Variants in AK7 observed in about 807,000 individuals in gnomAD.
AK7 encodes ATP-AMP transphosphorylase 7.
AK7 carries 78 observed loss-of-function variants against 96.6 expected under a neutral mutation model. The observed-to-expected ratio is 0.81, with a 90% confidence interval of 0.67 to 0.97. AK7 has a LOEUF of 0.97. Among genes scored for constraint, AK7 ranks in the 50% least tolerant of loss-of-function variants. The pLI is 0.00. For synonymous variants in AK7, 302 were observed against 317.2 expected, an observed-to-expected ratio of 0.95 and a Z score of 0.51; for missense variants, 855 against 887.9, an observed-to-expected ratio of 0.96 and a Z score of 0.47.
intron 4 of AK7, 60 bp downstream of exon 4, chr14:96,409,001 T>C: frequency 6.5e-7 from 1 of 1,546,620 alleles, no homozygotes; most frequent in Non-Finnish European, 8.9e-7. Flanking sequence ...TTGTAATCTG[T>C]GTGTGGAGGG....
intron 5 of AK7, among the ~76,000 whole-genome samples, chr14:96,434,448 C>G (rs538252783): frequency 1.0e-4 from 15 of 145,648 alleles, no homozygotes; most frequent in Admixed American, 1.0e-3. Context: ...CTCTCTCTCT[C>G]TCTCTCTCTG....
At chr14:96,441,658 A>AG (rs955546659) in intron 6 of AK7, among the ~76,000 whole-genome samples, 12 of 149,840 alleles carry the variant, frequency 8.0e-5, no homozygotes, top group South Asian at 2.1e-4. Flanking sequence ...AAAAAAAAAA[A>AG]AAAAGAAAAC....
chr14:96,474,743 T>G (rs1895084506), intron 14 of AK7, among the ~76,000 whole-genome samples: 1 of 152,240 alleles, frequency 6.6e-6, no homozygotes, highest in African/African-American at 2.4e-5. Context: ...CTAGGCAATA[T>G]TCACTCATTG....
chr14:96,444,871 C>G lies in AK7; in HGVS notation c.780-1646C>G, dbSNP rs571959885. Among the ~76,000 whole-genome samples, 180 of 152,286 alleles carry G rather than the reference C, an allele frequency of 1.2e-3. 1 individual carries two copies. The highest frequency in any genetic ancestry group is 1.6e-3 in the Non-Finnish European group (109 of 68,026). ...TAGCTGGGACTACAGGCGCCGGCCACCACGCCTGGCTATTTTTTGTATTTT... is the reference window on the plus strand; with the variant it reads ...TAGCTGGGACTACAGGCGCCGGCCAGCACGCCTGGCTATTTTTTGTATTTT... On this transcript the variant is annotated intron_variant, in intron 7 of 17. Coordinates refer to ENST00000267584, the MANE Select transcript of AK7 (RefSeq NM_152327.5).
rs909844465 is a variant in AK7 at position 96,410,451 on chromosome 14, A to G, written c.498+1510A>G. On this transcript the variant is annotated intron_variant, in intron 4 of 17. Transcript: ENST00000267584. ...GGAACAGCTGGGCCCAGAGGATTCA[A>G]CGATGTCCTCAGTGCTCACTGACTC... 6.6e-5 allele frequency among the ~76,000 whole-genome samples: 10 copies of G among 152,320 alleles called. No homozygotes were observed. In the East Asian group the frequency reaches 7.7e-4, roughly 12 times the overall value.
In AK7 at chr14:96,424,318, G is replaced by A. The variant is rs1891898569; in HGVS notation, c.609+3386G>A. 15 of 384,366 alleles carry A rather than the reference G, an allele frequency of 3.9e-5. No individual in the cohort carries two copies. In the South Asian group the frequency reaches 3.9e-4, roughly 10 times the overall value. 23.8% of individuals were successfully genotyped at this position (384,366 alleles called of 1,614,324 possible). A position where few individuals can be genotyped will look rare whatever the true frequency, so the allele number is the denominator to read the frequency against. ...TCCGCCAGCTGAAAAATTACAGAGG[G>A]CTTACTGTGTTCTCAGTATTTTACT... On this transcript the variant is annotated intron_variant, in intron 5 of 17. Coordinates refer to ENST00000267584, the MANE Select transcript of AK7 (RefSeq NM_152327.5).
intron 1 of AK7, among the ~76,000 whole-genome samples, chr14:96,396,710 ATAAG>A (rs910324780): frequency 2.0e-5 from 3 of 152,246 alleles, no homozygotes; most frequent in Admixed American, 1.3e-4. Flanking sequence ...GTTGACATAT[ATAAG>A]TAAGTATTGA....
At chr14:96,487,312 A>T (rs1344333712) in intron 17 of AK7, among the ~76,000 whole-genome samples, 2 of 114,760 alleles carry the variant, frequency 1.7e-5, no homozygotes, top group South Asian at 3.3e-4. Flanking sequence ...TGAACCCTGG[A>T]GGTGGAGGTT....
At chr14:96,476,017 G>C (rs1446537381) in intron 14 of AK7, among the ~76,000 whole-genome samples, 4 of 150,662 alleles carry the variant, frequency 2.7e-5, no homozygotes, top group Non-Finnish European at 5.9e-5. Flanking sequence ...CAAAGCATAA[G>C]ATACAGAAAA....
Position 96,399,103 on chromosome 14 carries a change from C to A in AK7, c.294+840C>A, listed in dbSNP as rs1228496855. The A allele has an allele frequency of 6.6e-6, 1 of 152,056 alleles. No individual in the cohort carries two copies. 9.4% of individuals were successfully genotyped at this position (152,056 alleles called of 1,614,324 possible). On this transcript the variant is annotated intron_variant, in intron 2 of 17. Coordinates refer to ENST00000267584, the MANE Select transcript of AK7 (RefSeq NM_152327.5). The surrounding 1 kb of genome is among the most constrained non-coding windows in gnomAD (Gnocchi z 4.1). ...TTCTGAGCTCCCATATCATCCTTTGCCTGCCTAGATCATAGTGCTTTTCAC... is the reference window on the plus strand; with the variant it reads ...TTCTGAGCTCCCATATCATCCTTTGACTGCCTAGATCATAGTGCTTTTCAC...
At chr14:96,452,668 T>C (rs55772175) in intron 10 of AK7, among the ~76,000 whole-genome samples, 50,238 of 142,096 alleles carry the variant, frequency 0.35, 8,644 homozygotes, top group South Asian at 0.41. Context: ...TTTTCTTTTC[T>C]TTTTTTTTGA....
chr14:96,466,912 A>G (rs1894597612), intron 12 of AK7, among the ~76,000 whole-genome samples: 1 of 152,124 alleles, frequency 6.6e-6, no homozygotes, highest in Non-Finnish European at 1.5e-5. Flanking sequence ...AATGCTGCCC[A>G]AATAAACCTA....
At chr14:96,396,679 ATAAAT>A (rs1304771311) in intron 1 of AK7, among the ~76,000 whole-genome samples, 4 of 152,216 alleles carry the variant, frequency 2.6e-5, no homozygotes, top group African/African-American at 7.2e-5. Context: ...TGCTTAATAG[ATAAAT>A]TAAAATAAAA....
rs536671664 is a variant in AK7, at chr14:96,439,569, T to A, written c.690+1654T>A. 2.0e-5 allele frequency among the ~76,000 whole-genome samples: 3 copies of A among 148,478 alleles called. No homozygotes were observed. The South Asian group carries it at 6.3e-4, about 31-fold the overall frequency. ...GTCCCAGCTACTCGTTAGGCTGAAG[T>A]AGGAGAATGGTGTGAACCGAGGAGG... On this transcript the variant is annotated intron_variant, in intron 6 of 17. Transcript: ENST00000267584.
At chr14:96,429,443 G>A (rs551504707) in intron 5 of AK7, among the ~76,000 whole-genome samples, 106 of 152,194 alleles carry the variant, frequency 7.0e-4, no homozygotes, top group Admixed American at 1.5e-3. Context: ...TTGGCAATGC[G>A]GGCTCTTTTT....
chr14:96,465,988 C>T (rs1321422704), intron 12 of AK7, among the ~76,000 whole-genome samples: 4 of 132,788 alleles, frequency 3.0e-5, no homozygotes, highest in Admixed American at 8.5e-5. Flanking sequence ...CCAGACAGGG[C>T]GATAGAGCAA....
intron 5 of AK7, among the ~76,000 whole-genome samples, chr14:96,422,795 A>C (rs887985277): frequency 6.6e-6 from 1 of 152,230 alleles, no homozygotes; most frequent in South Asian, 2.1e-4. Flanking sequence ...GCCCTATAGC[A>C]GCAAAATTCA....
chr14:96,406,943 A>G (rs1437693296), intron 3 of AK7, among the ~76,000 whole-genome samples: 1 of 152,182 alleles, frequency 6.6e-6, no homozygotes, highest in African/African-American at 2.4e-5. Flanking sequence ...CAGGGCTGGG[A>G]TTACAGACGT....
chr14:96,405,689 C>T (rs562243259), intron 3 of AK7, among the ~76,000 whole-genome samples: 19 of 152,198 alleles, frequency 1.2e-4, no homozygotes, highest in African/African-American at 1.9e-4. Flanking sequence ...ATAAGAGCCA[C>T]GTGACTTTAA....
Sources: allele counts gnomAD v4.1 joint callset (sites outside exome capture counted in the v4.1 genomes callset), GRCh38; gene constraint gnomAD v4.1.1; non-coding constraint Gnocchi (gnomAD v3.1); transcripts MANE v1.5; gene names NCBI Gene and HGNC (gene_info 2026-07-23, HGNC 2026-07-21).